Variants in SPATA22 observed in about 807,000 individuals in gnomAD.
The protein encoded by SPATA22 is spermatogenesis associated 22, also known as spermatogenesis-associated protein 22.
SPATA22 carries 29 observed loss-of-function variants against 47.8 expected under a neutral mutation model. That is an observed-to-expected ratio of 0.61 (90% CI 0.45 to 0.83). The LOEUF (loss-of-function observed/expected upper bound fraction) is 0.83. Ranked by LOEUF, SPATA22 falls within the 40% of genes least tolerant of loss-of-function variation. The pLI, the probability that SPATA22 is intolerant of heterozygous loss-of-function variation, is 0.00. For synonymous variants in SPATA22, 133 were observed against 140.9 expected (o/e 0.94, Z 0.40); for missense variants, 410 against 421.7 (o/e 0.97, Z 0.24).
chr17:3,446,659 C>T (rs1202919873), intron 6 of SPATA22, 58 bp from the exon 7 acceptor site: 1 of 1,298,770 alleles, frequency 7.7e-7, no homozygotes, highest in Non-Finnish European at 1.0e-6. Flanking sequence ...TCATCATACT[C>T]GTTTACCTTC....
chr17:3,470,786 G>A (rs2073414638), intron 1 of SPATA22, among the ~76,000 whole-genome samples: 2 of 151,394 alleles, frequency 1.3e-5, no homozygotes, highest in South Asian at 4.2e-4. Flanking sequence ...TGGGAAACAC[G>A]AGGTCAGGTG....
chr17:3,441,567 T>G (rs1315086293), intron 8 of SPATA22: 1 of 152,086 alleles, frequency 6.6e-6, no homozygotes, highest in Non-Finnish European at 1.5e-5. Context: ...AGTACTTAAA[T>G]TGACACAATC....
intron 1 of SPATA22, among the ~76,000 whole-genome samples, chr17:3,506,587 A>G (rs2074042350): frequency 6.6e-6 from 1 of 152,230 alleles, no homozygotes; most frequent in Non-Finnish European, 1.5e-5. Flanking sequence ...GTCTTGAAAC[A>G]TAAGAAAGCT....
chr17:3,481,207 G>A (rs2073621395), intron 1 of SPATA22, among the ~76,000 whole-genome samples: 1 of 152,028 alleles, frequency 6.6e-6, no homozygotes, highest in Admixed American at 6.6e-5. Flanking sequence ...TAGCTAAAGT[G>A]GGGGAAAAAA....
Position 3,469,284 on chromosome 17 carries a change from T to TG in SPATA22, c.41dup (p.Gly15ArgfsTer21), listed in dbSNP as rs1382115592. On this transcript the variant is annotated frameshift_variant and splice_region_variant, in exon 2 of 9. Coordinates refer to ENST00000572969, the MANE Select transcript of SPATA22 (RefSeq NM_001170698.2). LOFTEE classifies it high-confidence loss of function. ...TAAAAATAAAAAGTTGTTCAATACC[T>TG]GCTGTACTTCGAGCTGAATTTTCAT... The TG allele has an allele frequency of 6.7e-7, 1 of 1,492,696 alleles. No homozygotes were observed. The highest frequency in any genetic ancestry group is 9.2e-7 in the Non-Finnish European group (1 of 1,083,162). 92.5% of individuals were successfully genotyped at this position (1,492,696 alleles called of 1,614,324 possible).
upstream of SPATA22, chr17:3,475,869 A>C (rs1287561903): frequency 7.0e-6 from 3 of 427,390 alleles, no homozygotes; most frequent in Non-Finnish European, 8.6e-6. Flanking sequence ...CTGTATTTAG[A>C]TCTACTGACC....
chr17:3,473,393 A>G (rs1567607395), upstream of SPATA22, among the ~76,000 whole-genome samples: 2 of 152,314 alleles, frequency 1.3e-5, no homozygotes, highest in South Asian at 4.1e-4. Context: ...CCCCAGTCAT[A>G]CCATTTGGGA....
At position 3,481,793 on chromosome 17, in the gene SPATA22, A is replaced by T. The variant is rs199565861; in HGVS notation, c.-73-12395T>A. The stretch of plus-strand genomic sequence containing the variant: ...CTTTTTAATTCAGATGTTTCATTAC[A>T]TTAAGGTAATGTTAATGTTATTAAT... On this transcript the variant is annotated intron_variant, in intron 1 of 8. Coordinates refer to the SPATA22 transcript ENST00000541913. 6.3e-7 allele frequency: 1 copy of T among 1,596,008 alleles called. No individual in the cohort carries two copies. The highest frequency in any genetic ancestry group is 1.7e-5 in the Admixed American group (1 of 59,254).
At position 3,449,017 on chromosome 17, in the gene SPATA22, T is replaced by C; in HGVS notation, c.462A>G (p.Gln154=). The change falls in exon 6 of 9, where the codon CAA becomes CAG. Residue 154 remains glutamine, a synonymous_variant. Transcript: ENST00000572969. ...GTTCAGGTATTCTTAATTGTTTTTGTTGTTGAGCTCCCGAACTCACTGGAC... is the reference window on the plus strand; with the variant it reads ...GTTCAGGTATTCTTAATTGTTTTTGCTGTTGAGCTCCCGAACTCACTGGAC... ...NSCPVSSGAQ[Q]QKQLRIPEPP... 2 of 1,614,068 alleles carry C rather than the reference T, an allele frequency of 1.2e-6. No homozygotes were observed. Among genetic ancestry groups the C allele is most frequent in the South Asian group, 2.2e-5 (2 of 91,076 alleles).
upstream of SPATA22, among the ~76,000 whole-genome samples, chr17:3,473,749 C>T (rs986832347): frequency 5.9e-5 from 9 of 152,100 alleles, no homozygotes; most frequent in Admixed American, 1.3e-4. Flanking sequence ...CCGCCCACCT[C>T]GGCCTCCCAA....
Position 3,485,494 on chromosome 17 carries a change from C to T in SPATA22, c.-73-16096G>A, listed in dbSNP as rs2073702952. Among the ~76,000 whole-genome samples, 1 of 152,146 alleles carries T rather than the reference C, an allele frequency of 6.6e-6. No individual in the cohort carries two copies. Among genetic ancestry groups the T allele is most frequent in the Non-Finnish European group, 1.5e-5 (1 of 68,032 alleles). On this transcript the variant is annotated intron_variant, in intron 1 of 8. Coordinates refer to the SPATA22 transcript ENST00000541913. The surrounding 1 kb of genome is among the most constrained non-coding windows in gnomAD (Gnocchi z 4.4). Reference sequence around the variant, plus strand: ...TGCCATTGCACTCCAGCCGGGGCAACAAAAGTGAAACTCCGTCTCAAAAAA... The same window carrying T: ...TGCCATTGCACTCCAGCCGGGGCAATAAAAGTGAAACTCCGTCTCAAAAAA...
chr17:3,446,704 T>A (rs2072735115), intron 6 of SPATA22, 103 bp from the exon 7 acceptor site: 1 of 954,260 alleles, frequency 1.0e-6, no homozygotes, highest in Non-Finnish European at 1.5e-6. Flanking sequence ...AATGGACAAG[T>A]GTGTAAAAAG....
At chr17:3,505,366 TAGA>T (rs1266346868) in intron 1 of SPATA22, among the ~76,000 whole-genome samples, 13 of 152,236 alleles carry the variant, frequency 8.5e-5, no homozygotes, top group African/African-American at 2.9e-4. Flanking sequence ...ACTTCACGCA[TAGA>T]AGGAGCTCAG....
chr17:3,493,265 T>G (rs762669918), intron 1 of SPATA22, among the ~76,000 whole-genome samples: 9 of 152,104 alleles, frequency 5.9e-5, no homozygotes, highest in Non-Finnish European at 1.0e-4. Flanking sequence ...TCTAATGTAC[T>G]TAGTTAAGAA....
At chr17:3,441,598 A>G (rs1597383102) in intron 8 of SPATA22, 1 of 152,178 alleles carries the variant, frequency 6.6e-6, no homozygotes, top group Admixed American at 6.5e-5. Flanking sequence ...TTCTTTGGCA[A>G]TATCTACTGT....
intron 1 of SPATA22, chr17:3,511,255 T>C (rs866676015): frequency 6.6e-6 from 1 of 152,222 alleles, no homozygotes; most frequent in African/African-American, 2.4e-5. Context: ...GGGGACAATG[T>C]TGACTGCCAA....
intron 1 of SPATA22, among the ~76,000 whole-genome samples, chr17:3,477,025 G>C (rs185883322): frequency 0.037 from 5,613 of 151,960 alleles, 160 homozygotes; most frequent in East Asian, 0.11. Flanking sequence ...CGTAGTGGCG[G>C]GTGCCTGTAG....
chr17:3,445,077 C>G (rs1325165448), intron 7 of SPATA22, among the ~76,000 whole-genome samples: 1 of 152,046 alleles, frequency 6.6e-6, no homozygotes, highest in Non-Finnish European at 1.5e-5. Context: ...TTTTAATAGG[C>G]TCAGGTTATT....
chr17:3,482,477 A>G (rs9916804), intron 1 of SPATA22, among the ~76,000 whole-genome samples: 40,464 of 152,054 alleles, frequency 0.27, 5,842 homozygotes, highest in East Asian at 0.57. Flanking sequence ...TCCTGAGAGC[A>G]AGGATGATTG....
Sources: allele counts gnomAD v4.1 joint callset (sites outside exome capture counted in the v4.1 genomes callset), GRCh38; gene constraint gnomAD v4.1.1; non-coding constraint Gnocchi (gnomAD v3.1); transcripts MANE v1.5; gene names NCBI Gene and HGNC (gene_info 2026-07-23, HGNC 2026-07-21).